Variants in CTBP2 observed in about 807,000 individuals in gnomAD.
CTBP2 encodes C-terminal binding protein 2.
A neutral mutation model predicts 80.3 loss-of-function variants in CTBP2; 30 were observed. That is an observed-to-expected ratio of 0.37 (90% CI 0.28 to 0.51). The LOEUF (loss-of-function observed/expected upper bound fraction) is 0.51. Ranked by LOEUF, CTBP2 falls within the 20% of genes least tolerant of loss-of-function variation. CTBP2 has a pLI of 0.93. For missense variants in CTBP2, 1,212 were observed against 1,375.3 expected (o/e 0.88, Z 1.88); for synonymous variants, 594 against 587.4 (o/e 1.01, Z -0.16).
chr10:125,126,415 T>C (rs956446843), intron 1 of CTBP2, among the ~76,000 whole-genome samples: 7 of 152,188 alleles, frequency 4.6e-5, no homozygotes, highest in African/African-American at 1.7e-4. Context: ...AGGCTAGAAT[T>C]CTCTTCCTTG....
At chr10:125,115,310 C>T (rs1414739502) in intron 1 of CTBP2, among the ~76,000 whole-genome samples, 1 of 152,194 alleles carries the variant, frequency 6.6e-6, no homozygotes. Flanking sequence ...CTCCAGGAAG[C>T]ACCGTTCACG....
upstream of CTBP2, among the ~76,000 whole-genome samples, chr10:125,028,947 A>G (rs538649121): frequency 4.6e-5 from 7 of 152,346 alleles, no homozygotes; most frequent in African/African-American, 9.6e-5. Flanking sequence ...GTATTAAGAC[A>G]TTTCCTTAAA....
At chr10:125,054,019 G>C (rs1318913981) in intron 2 of CTBP2, among the ~76,000 whole-genome samples, 2 of 152,128 alleles carry the variant, frequency 1.3e-5, no homozygotes, top group Non-Finnish European at 1.5e-5. Flanking sequence ...GGTGACACAG[G>C]CGTGCCCACA....
At chr10:124,995,315 C>T (rs1036609806) in intron 4 of CTBP2, among the ~76,000 whole-genome samples, 2 of 152,226 alleles carry the variant, frequency 1.3e-5, no homozygotes, top group African/African-American at 4.8e-5. Context: ...CAGCCTGGGC[C>T]TCCCGCCAGC....
At chr10:125,157,168 A>C (rs1861069402) in intron 1 of CTBP2, among the ~76,000 whole-genome samples, 1 of 152,224 alleles carries the variant, frequency 6.6e-6, no homozygotes, top group Non-Finnish European at 1.5e-5. Flanking sequence ...TCAGTTCCAC[A>C]CATAAATTGC....
intron 2 of CTBP2, among the ~76,000 whole-genome samples, chr10:125,098,371 C>T (rs1417534323): frequency 6.6e-6 from 1 of 152,116 alleles, no homozygotes; most frequent in Non-Finnish European, 1.5e-5. Context: ...CACCCACATA[C>T]ACTAGCCCTG....
rs1424057154 is a variant in CTBP2, at chr10:124,984,854, C to T, written c.*4664G>A. 2 of 1,613,764 alleles carry T rather than the reference C, an allele frequency of 1.2e-6. No homozygotes were observed. The highest frequency in any genetic ancestry group is 1.1e-5 in the South Asian group (1 of 91,064). On this transcript the variant is annotated 3_prime_UTR_variant, in exon 9 of 9. Transcript: ENST00000309035. ...TGACGGAGGGGGGAGTTCTGGTTGC[C>T]ATGCAGAAGAGTTCTCGGCGGCGAA...
intron 8 of CTBP2, among the ~76,000 whole-genome samples, chr10:124,990,628 A>G (rs948038056): frequency 2.6e-5 from 4 of 152,198 alleles, no homozygotes; most frequent in African/African-American, 9.7e-5. Context: ...ACAGAGTACA[A>G]TGGACCCTTA....
At chr10:125,004,584 G>A (rs1954983427) in intron 1 of CTBP2, among the ~76,000 whole-genome samples, 1 of 152,140 alleles carries the variant, frequency 6.6e-6, no homozygotes, top group Non-Finnish European at 1.5e-5. Flanking sequence ...GGTGCAATCC[G>A]CCGAGATGCC....
chr10:125,014,435 G>C (rs1238463374), intron 1 of CTBP2, among the ~76,000 whole-genome samples: 1 of 152,264 alleles, frequency 6.6e-6, no homozygotes, highest in Admixed American at 6.5e-5. Context: ...CTGGGTGACA[G>C]AGTGAGACTT....
At chr10:125,060,462 ACGTG>A (rs1476379861) in intron 2 of CTBP2, among the ~76,000 whole-genome samples, 7 of 109,172 alleles carry the variant, frequency 6.4e-5, no homozygotes, top group African/African-American at 2.4e-4. Context: ...CATTCCCCCC[ACGTG>A]TGTGTGTGTG....
At chr10:125,136,306 G>C (rs1243107728) in intron 1 of CTBP2, among the ~76,000 whole-genome samples, 1 of 152,212 alleles carries the variant, frequency 6.6e-6, no homozygotes, top group Admixed American at 6.5e-5. Flanking sequence ...ACCTCAGGGT[G>C]CATGGGTGGG....
intron 2 of CTBP2, among the ~76,000 whole-genome samples, chr10:125,075,606 G>A (rs567173878): frequency 2.0e-5 from 3 of 151,864 alleles, no homozygotes; most frequent in Admixed American, 2.0e-4. Context: ...ACTAAGACAC[G>A]GTAAGAAAAA....
At chr10:125,029,842 C>T (rs1206806354), upstream of CTBP2, among the ~76,000 whole-genome samples, 3 of 152,054 alleles carry the variant, frequency 2.0e-5, no homozygotes, top group African/African-American at 7.2e-5. Context: ...GAATGTTTAC[C>T]CGGTAGCGCC....
At chr10:125,159,862 T>TCAGGGAGCAGGAGCCGGGGGCGCC (rs1565077713) in intron 1 of CTBP2, 2 of 149,948 alleles carry the variant, frequency 1.3e-5, no homozygotes, top group East Asian at 2.0e-4. Flanking sequence ...CCCACCGGGC[T>TCAGGGAGCAGGAGCCGGGGGCGCC]CAGGGAGCAG....
chr10:124,989,455 A>G lies in CTBP2; in HGVS notation c.*63T>C, dbSNP rs74892897. On this transcript the variant is annotated 3_prime_UTR_variant, in exon 9 of 9. Coordinates refer to ENST00000309035, the MANE Select transcript of CTBP2 (RefSeq NM_022802.3). Reference sequence around the variant, plus strand: ...CATCCGATTCTTTTTCTCTTAGTTCATCTATTTTTCACTGTCTCTTGGTCC... The same window carrying G: ...CATCCGATTCTTTTTCTCTTAGTTCGTCTATTTTTCACTGTCTCTTGGTCC... 6 of 1,455,346 alleles carry G rather than the reference A, an allele frequency of 4.1e-6. No individual in the cohort carries two copies. The Admixed American group carries it at 8.4e-5, about 20-fold the overall frequency. 90.2% of individuals were successfully genotyped at this position (1,455,346 alleles called of 1,614,324 possible). A position where few individuals can be genotyped will look rare whatever the true frequency, so the allele number is the denominator to read the frequency against.
chr10:125,010,573 T>C (rs1955762968), intron 1 of CTBP2, among the ~76,000 whole-genome samples: 1 of 152,104 alleles, frequency 6.6e-6, no homozygotes. Context: ...ATGGCAGACA[T>C]CACTAATCGA....
intron 1 of CTBP2, among the ~76,000 whole-genome samples, chr10:125,150,151 T>C (rs984861877): frequency 6.6e-6 from 1 of 152,186 alleles, no homozygotes; most frequent in African/African-American, 2.4e-5. Flanking sequence ...ATGGCTCCAG[T>C]TGAATGCCAG....
chr10:125,028,920 T>C (rs74333869), upstream of CTBP2, among the ~76,000 whole-genome samples: 1 of 152,286 alleles, frequency 6.6e-6, no homozygotes, highest in East Asian at 1.9e-4. Context: ...GTTATTTAGA[T>C]AAAGGAGTGC....
Sources: allele counts gnomAD v4.1 joint callset (sites outside exome capture counted in the v4.1 genomes callset), GRCh38; gene constraint gnomAD v4.1.1; transcripts MANE v1.5; gene names NCBI Gene and HGNC (gene_info 2026-07-23, HGNC 2026-07-21).